NDUFAF2: variants seen among roughly 807,000 people sequenced by gnomAD.
The protein encoded by NDUFAF2 is NADH:ubiquinone oxidoreductase complex assembly factor 2, also known as NADH dehydrogenase [ubiquinone] 1 alpha subcomplex assembly factor 2.
NDUFAF2 carries 13 observed loss-of-function variants against 22.8 expected under a neutral mutation model. The ratio of observed to expected loss-of-function variants is 0.57; its 90% CI spans 0.37 to 0.91. The LOEUF is 0.91. NDUFAF2 is among the 40% of genes least tolerant of loss of function. The pLI, the probability that NDUFAF2 is intolerant of heterozygous loss-of-function variation, is 0.01. For missense variants in NDUFAF2, 162 were observed against 195.2 expected, an observed-to-expected ratio of 0.83 and a Z score of 1.01; for synonymous variants, 53 against 64.2, an observed-to-expected ratio of 0.83 and a Z score of 0.84.
At chr5:60,964,989 G>T (rs1750735685) in intron 1 of NDUFAF2, among the ~76,000 whole-genome samples, 1 of 152,088 alleles carries the variant, frequency 6.6e-6, no homozygotes, top group Non-Finnish European at 1.5e-5. Flanking sequence ...TGTTATGGTT[G>T]TTGCTATGTC....
intron 1 of NDUFAF2, among the ~76,000 whole-genome samples, chr5:61,018,604 A>G (rs1429350967): frequency 6.6e-6 from 1 of 152,172 alleles, no homozygotes; most frequent in Non-Finnish European, 1.5e-5. Flanking sequence ...ATGGCAATAA[A>G]ATGTATTTTT....
At chr5:61,049,025 A>G (rs1345027947) in intron 1 of NDUFAF2, among the ~76,000 whole-genome samples, 2 of 152,110 alleles carry the variant, frequency 1.3e-5, no homozygotes, top group South Asian at 2.1e-4. Context: ...TTAAAAATCA[A>G]TGTATAATAA....
intron 3 of NDUFAF2, among the ~76,000 whole-genome samples, chr5:61,140,737 A>G (rs1284462992): frequency 3.3e-5 from 5 of 152,210 alleles, no homozygotes; most frequent in African/African-American, 7.2e-5. Context: ...AAGATTCAGC[A>G]TGTTCTAACC....
At chr5:61,036,164 A>G (rs1214152986) in intron 1 of NDUFAF2, among the ~76,000 whole-genome samples, 2 of 152,194 alleles carry the variant, frequency 1.3e-5, no homozygotes, top group African/African-American at 4.8e-5. Flanking sequence ...CCCTTGTTCC[A>G]CTGGCCAGAC....
chr5:60,996,278 G>T (rs1235959330), intron 1 of NDUFAF2, among the ~76,000 whole-genome samples: 2 of 152,144 alleles, frequency 1.3e-5, no homozygotes, highest in Non-Finnish European at 2.9e-5. Context: ...GCCAGGATGT[G>T]TCATTGTCTT....
At chr5:61,094,483 C>T (rs191745062) in intron 2 of NDUFAF2, among the ~76,000 whole-genome samples, 66 of 152,286 alleles carry the variant, frequency 4.3e-4, no homozygotes, top group Admixed American at 1.3e-3. Flanking sequence ...AATTCTACTT[C>T]GGTCATTTCA....
chr5:61,010,758 A>G (rs1014300282), intron 1 of NDUFAF2, among the ~76,000 whole-genome samples: 1 of 152,168 alleles, frequency 6.6e-6, no homozygotes, highest in Non-Finnish European at 1.5e-5. Flanking sequence ...ACATATTGCC[A>G]TATAGCAAAT....
chr5:61,070,797 C>G (rs1351411305), intron 1 of NDUFAF2, among the ~76,000 whole-genome samples: 2 of 152,094 alleles, frequency 1.3e-5, no homozygotes, highest in African/African-American at 2.4e-5. Flanking sequence ...ATAGACCTGT[C>G]TATCCTCTCC....
intron 1 of NDUFAF2, among the ~76,000 whole-genome samples, chr5:60,979,791 A>G (rs1750952251): frequency 6.6e-6 from 1 of 152,146 alleles, no homozygotes; most frequent in Non-Finnish European, 1.5e-5. Flanking sequence ...TCACCTGCTG[A>G]TTGTAGAGCC....
intron 1 of NDUFAF2, among the ~76,000 whole-genome samples, chr5:61,012,156 A>T (rs1267645100): frequency 6.6e-6 from 1 of 151,912 alleles, no homozygotes; most frequent in Non-Finnish European, 1.5e-5. Context: ...CAGCTCTCAC[A>T]TCTTTATGTT....
chr5:61,059,953 G>T (rs947177784), intron 1 of NDUFAF2, among the ~76,000 whole-genome samples: 3 of 152,054 alleles, frequency 2.0e-5, no homozygotes, highest in African/African-American at 7.2e-5. Flanking sequence ...TTGGGTATCT[G>T]TAATAATACT....
chr5:61,121,102 A>T (rs557160707), intron 3 of NDUFAF2, among the ~76,000 whole-genome samples: 39 of 152,238 alleles, frequency 2.6e-4, no homozygotes, highest in African/African-American at 9.1e-4. Flanking sequence ...CTGATCTTAT[A>T]TCTTTAGGCA....
intron 1 of NDUFAF2, among the ~76,000 whole-genome samples, chr5:61,020,254 A>G (rs2112603201): frequency 6.6e-6 from 1 of 152,166 alleles, no homozygotes; most frequent in East Asian, 1.9e-4. Context: ...TCACTAAGCA[A>G]TAATTGTCCT....
chr5:61,033,773 T>C (rs1751758031), intron 1 of NDUFAF2, among the ~76,000 whole-genome samples: 1 of 152,126 alleles, frequency 6.6e-6, no homozygotes, highest in Non-Finnish European at 1.5e-5. Context: ...TGTACTAAGA[T>C]GACTACTTAG....
At chr5:61,090,668 A>G (rs138038490) in intron 2 of NDUFAF2, among the ~76,000 whole-genome samples, 1,912 of 152,180 alleles carry the variant, frequency 0.013, 19 homozygotes, top group South Asian at 0.039. Flanking sequence ...ATAATTATAC[A>G]TAAGTAACTT....
intron 1 of NDUFAF2, among the ~76,000 whole-genome samples, chr5:61,033,662 G>A (rs1046357593): frequency 6.6e-6 from 1 of 151,838 alleles, no homozygotes. Flanking sequence ...TGTTGTTTTG[G>A]CTATAGTAAC....
chr5:60,951,658 C>A (rs1750550424), intron 1 of NDUFAF2, among the ~76,000 whole-genome samples: 2 of 152,030 alleles, frequency 1.3e-5, no homozygotes, highest in Non-Finnish European at 2.9e-5. Flanking sequence ...TTAATTTCTT[C>A]CTTTTAATGT....
intron 2 of NDUFAF2, among the ~76,000 whole-genome samples, chr5:61,081,318 A>G (rs78411147): frequency 6.6e-6 from 1 of 152,154 alleles, no homozygotes; most frequent in Non-Finnish European, 1.5e-5. Flanking sequence ...ATGTTTTTAC[A>G]CTTTAAATAT....
chr5:61,099,817 C>A (rs1752685342), intron 3 of NDUFAF2, among the ~76,000 whole-genome samples: 1 of 152,104 alleles, frequency 6.6e-6, no homozygotes, highest in African/African-American at 2.4e-5. Flanking sequence ...CTCCTCTCTT[C>A]TGTTGCCTAT....
Sources: gnomAD v4.1 joint callset for allele counts (sites outside exome capture counted in the v4.1 genomes callset) on GRCh38, gnomAD v4.1.1 for gene constraint, MANE v1.5 for transcripts, NCBI Gene and HGNC (gene_info 2026-07-23, HGNC 2026-07-21) for gene names.